SDHA: variants seen among roughly 807,000 people sequenced by gnomAD.
SDHA encodes succinate dehydrogenase [ubiquinone] flavoprotein subunit, mitochondrial.
In SDHA, 48 loss-of-function variants were observed where a neutral mutation model predicts 78.4. That is an observed-to-expected ratio of 0.61 (90% confidence interval 0.49 to 0.78). SDHA has a LOEUF of 0.78. SDHA is among the 30% of genes least tolerant of loss of function. The probability of loss-of-function intolerance (pLI) is 0.00; values close to 1 mark genes in which losing one functional copy is unlikely to be tolerated. For missense variants in SDHA, 680 were observed against 892.7 expected (o/e 0.76, Z 3.04); for synonymous variants, 326 against 353.9 (o/e 0.92, Z 0.88).
chr5:231,700 T>G (rs1735414605), intron 7 of SDHA, among the ~76,000 whole-genome samples: 1 of 152,050 alleles, frequency 6.6e-6, no homozygotes, highest in Non-Finnish European at 1.5e-5. Flanking sequence ...CCACCGGGGT[T>G]TACTGAGTGA....
Position 251,358 on chromosome 5 carries a change from C to G in SDHA, c.1684C>G (p.Leu562Val), listed in dbSNP as rs1561010740. ...CCCAGGAATGGTCTGGAACACGGAC[C>G]TGGTGGAGACCCTGGAGCTGCAGAA... Reference protein sequence around the residue: ...FDRGMVWNTDLVETLELQNLM... With the variant: ...FDRGMVWNTDVVETLELQNLM... The change falls in exon 13 of 15, where the codon CTG becomes GTG. Residue 562 changes from leucine (L) to valine (V), a missense_variant. Physicochemically the swap from Leu to Val is conservative, Grantham distance 32. Coordinates refer to ENST00000264932, the MANE Select transcript of SDHA (RefSeq NM_004168.4). 1 of 1,613,600 alleles carries G rather than the reference C, an allele frequency of 6.2e-7. No homozygotes were observed. Among genetic ancestry groups the G allele is most frequent in the Non-Finnish European group, 8.5e-7 (1 of 1,179,752 alleles).
rs755740263 is a variant in SDHA, at chr5:218,330, G to C, written c.-26G>C. On this transcript the variant is annotated 5_prime_UTR_variant, in exon 1 of 15. Coordinates refer to ENST00000264932, the MANE Select transcript of SDHA (RefSeq NM_004168.4). ...AGGCGCAGTCTGCGCAGGGACTGGC[G>C]GGACTGCGCGGCGGCAACAGCAGAC... 1.4e-6 allele frequency: 2 copies of C among 1,444,326 alleles called. No homozygotes were observed. The highest frequency in any genetic ancestry group is 1.8e-6 in the Non-Finnish European group (2 of 1,107,020). The allele number at this position is 1,444,326 out of a possible 1,614,324, so 89.5% of individuals were successfully genotyped here. A position where few individuals can be genotyped will look rare whatever the true frequency, so the allele number is the denominator to read the frequency against.
chr5:257,826 C>T (rs1737304683), downstream of SDHA, among the ~76,000 whole-genome samples: 1 of 59,686 alleles, frequency 1.7e-5, no homozygotes, highest in Non-Finnish European at 3.4e-5. Flanking sequence ...GGGTGAGCTC[C>T]ACCCCCTGCC....
intron 7 of SDHA, among the ~76,000 whole-genome samples, chr5:232,581 C>G (rs540376060): frequency 1.3e-5 from 2 of 152,238 alleles, no homozygotes; most frequent in East Asian, 3.9e-4. Context: ...TGAATTCCCT[C>G]TGTAATTTGC....
At chr5:220,672 C>T (rs1336335985) in intron 1 of SDHA, among the ~76,000 whole-genome samples, 1 of 150,520 alleles carries the variant, frequency 6.6e-6, no homozygotes, top group Non-Finnish European at 1.5e-5. Context: ...GGATCCAGAG[C>T]CAGGCCGGCC....
chr5:252,493 C>G (rs1736904771), intron 13 of SDHA, among the ~76,000 whole-genome samples: 1 of 149,862 alleles, frequency 6.7e-6, no homozygotes, highest in Non-Finnish European at 1.5e-5. Context: ...CAAACCTGCC[C>G]TGTGGAGGAA....
chr5:224,567 G>C (rs765674382), intron 3 of SDHA, 46 bp downstream of exon 3: 3 of 1,600,596 alleles, frequency 1.9e-6, no homozygotes, highest in Non-Finnish European at 2.6e-6. Flanking sequence ...TGCAGGTCCC[G>C]CGCAGCCTCG....
chr5:236,535 G>A lies in SDHA; in HGVS notation c.1368G>A (p.Ser456=), dbSNP rs149875171. ...GTGCCAACCGCCTCGGGGCAAACTCGCTCTTGGACCTGGTTGTCTTTGGTC... is the reference window on the plus strand; with the variant it reads ...GTGCCAACCGCCTCGGGGCAAACTCACTCTTGGACCTGGTTGTCTTTGGTC... The part of the protein sequence containing the change: ...VHGANRLGAN[S]LLDLVVFGRA... Residue 456 remains serine, a synonymous_variant, in exon 10 of 15, where the codon TCG becomes TCA. Coordinates refer to ENST00000264932, the MANE Select transcript of SDHA (RefSeq NM_004168.4). 1.8e-3 allele frequency: 2,908 copies of A among 1,614,044 alleles called. 9 individuals are homozygous for A. The highest frequency in any genetic ancestry group is 2.2e-3 in the Non-Finnish European group (2,561 of 1,179,878).
At chr5:221,829 G>A (rs1435063161) in intron 1 of SDHA, among the ~76,000 whole-genome samples, 1 of 152,070 alleles carries the variant, frequency 6.6e-6, no homozygotes, top group Non-Finnish European at 1.5e-5. Context: ...TTCGCCAGGG[G>A]GATGGCGTGA....
At chr5:266,322 CT>C in the SDHA span, among the ~76,000 whole-genome samples, 1 of 152,190 alleles carries the variant, frequency 6.6e-6, no homozygotes, top group African/African-American at 2.4e-5. Flanking sequence ...ACAGGCACCC[CT>C]GAAGCATGAT....
chr5:247,845 C>T (rs560611928), intron 11 of SDHA, among the ~76,000 whole-genome samples: 154 of 152,298 alleles, frequency 1.0e-3, no homozygotes, highest in African/African-American at 3.2e-3. Flanking sequence ...TTTCTCTATA[C>T]GGAATATTAA....
intron 8 of SDHA, chr5:234,488 C>G (rs1219483422): frequency 6.5e-6 from 1 of 153,400 alleles, no homozygotes; most frequent in Non-Finnish European, 1.4e-5. Context: ...GCCCTCCGTA[C>G]CCATTGGTTC....
intron 11 of SDHA, among the ~76,000 whole-genome samples, chr5:244,378 A>G (rs146311547): frequency 0.24 from 35,667 of 151,536 alleles, 6,120 homozygotes; most frequent in African/African-American, 0.51. Flanking sequence ...GATTACAATG[A>G]GGAAATTCAA....
At chr5:230,518 C>T (rs1354277978) in intron 6 of SDHA, among the ~76,000 whole-genome samples, 4 of 152,096 alleles carry the variant, frequency 2.6e-5, no homozygotes, top group Non-Finnish European at 4.4e-5. Flanking sequence ...CCCAGCTACT[C>T]GGGAGGCTGA....
At chr5:218,725 G>A (rs1328695552) in intron 1 of SDHA, among the ~76,000 whole-genome samples, 1 of 152,244 alleles carries the variant, frequency 6.6e-6, no homozygotes, top group East Asian at 1.9e-4. Context: ...CCCGCGGGCT[G>A]AGGTAGCCCC....
chr5:235,741 C>G (rs529739747), intron 9 of SDHA: 1 of 349,552 alleles, frequency 2.9e-6, no homozygotes, highest in Admixed American at 4.1e-5. Flanking sequence ...CCTGCGTAGA[C>G]GAAGAGGTGA....
chr5:228,339 A>T lies in SDHA; in HGVS notation c.770+6A>T. 6.2e-7 allele frequency: 1 copy of T among 1,613,170 alleles called. No individual in the cohort carries two copies. The highest frequency in any genetic ancestry group is 8.5e-7 in the Non-Finnish European group (1 of 1,179,180). On this transcript the variant is annotated splice_donor_region_variant and intron_variant, in intron 6 of 14. Transcript: ENST00000264932. ...AACACTGTTGTTGCCACAGGGTAGG[A>T]ATCTCATTTCTACTTTATTTTGTTT...
intron 11 of SDHA, among the ~76,000 whole-genome samples, chr5:245,306 A>G (rs545504184): frequency 6.6e-6 from 1 of 152,334 alleles, no homozygotes; most frequent in South Asian, 2.1e-4. Flanking sequence ...ATTCCAAAAA[A>G]TTGGCCTTTA....
At chr5:262,365 T>A in the SDHA span, among the ~76,000 whole-genome samples, 14 of 149,284 alleles carry the variant, frequency 9.4e-5, 2 homozygotes, top group Middle Eastern at 3.4e-3. Flanking sequence ...AGCATTACCG[T>A]GTGAGCTCCG....
Sources: gnomAD v4.1 joint callset for allele counts (sites outside exome capture counted in the v4.1 genomes callset) on GRCh38, gnomAD v4.1.1 for gene constraint, MANE v1.5 for transcripts, NCBI Gene and HGNC (gene_info 2026-07-23, HGNC 2026-07-21) for gene names.